The following SMYD2 variants were observed in gnomAD, a reference collection of about 807,000 sequenced individuals.
SMYD2 encodes SET and MYND domain containing 2, also known as N-lysine methyltransferase SMYD2.
SMYD2 carries 53 observed loss-of-function variants against 59.1 expected under a neutral mutation model. The observed-to-expected ratio is 0.90, with a 90% confidence interval of 0.72 to 1.13. SMYD2 has a LOEUF of 1.13. SMYD2 is among the 50% of genes most tolerant of loss of function. The pLI is 0.00. For synonymous variants in SMYD2, 208 were observed against 198.8 expected, an observed-to-expected ratio of 1.05 and a Z score of -0.39; for missense variants, 494 against 544.7, an observed-to-expected ratio of 0.91 and a Z score of 0.93.
Position 214,336,737 on chromosome 1 carries a change from G to T in SMYD2, c.1255G>T (p.Asp419Tyr), listed in dbSNP as rs1366434510. ...AATCATGGAAGTAGCTCACGGCAAA[G>T]ATCATCCATATATTTCTGAGATCAA... is the stretch of plus-strand genomic sequence containing the variant. ...IAIMEVAHGK[D>Y]HPYISEIKQE... The change falls in exon 12 of 12, where the codon GAT (aspartate) becomes TAT (tyrosine). Residue 419 changes from aspartate (D) to tyrosine (Y), a missense_variant. Physicochemically the swap from Asp to Tyr is radical, Grantham distance 160 (BLOSUM62 -3). Coordinates refer to ENST00000366957, the MANE Select transcript of SMYD2 (RefSeq NM_020197.3). 2 of 1,613,804 alleles carry T rather than the reference G, an allele frequency of 1.2e-6. No individual in the cohort carries two copies. Among genetic ancestry groups the T allele is most frequent in the Admixed American group, 1.7e-5 (1 of 59,990 alleles).
At position 214,281,423 on chromosome 1, in the gene SMYD2, AC is replaced by A; in HGVS notation, c.171del (p.Arg58GlyfsTer49). The A allele has an allele frequency of 1.4e-6, 2 of 1,432,392 alleles. No homozygotes were observed. The highest frequency in any genetic ancestry group is 2.8e-5 in the East Asian group (1 of 35,574). The allele number at this position is 1,432,392 out of a possible 1,614,324, so 88.7% of individuals were successfully genotyped here. ...GGGCAACCACTGCGAGTACTGCTTCACCAGGTAGGGCGGCGGCGGCGGCGGC... is the reference window on the plus strand; with the variant it reads ...GGGCAACCACTGCGAGTACTGCTTCACAGGTAGGGCGGCGGCGGCGGCGGC... ...ERGNHCEYCF[T>X]RKEGLSKCGR... On this transcript the variant is annotated frameshift_variant, in exon 1 of 12. Transcript: ENST00000366957. LOFTEE classifies it high-confidence loss of function.
Position 214,330,948 on chromosome 1 carries a change from A to C in SMYD2, c.817-2A>C. On this transcript the variant is annotated splice_acceptor_variant, in intron 8 of 11. Coordinates refer to ENST00000366957, the MANE Select transcript of SMYD2 (RefSeq NM_020197.3). LOFTEE classifies it high-confidence loss of function. ...CCTTGCCCTTGTGGACGTTTCCTTC[A>C]GGATAAGGCCAAGGTGGAAATCCGG... The C allele has an allele frequency of 6.2e-7, 1 of 1,614,112 alleles. No homozygotes were observed. The highest frequency in any genetic ancestry group is 1.7e-5 in the Admixed American group (1 of 60,020).
At chr1:214,289,812 T>G (rs749267453) in intron 1 of SMYD2, among the ~76,000 whole-genome samples, 2 of 152,232 alleles carry the variant, frequency 1.3e-5, no homozygotes. Flanking sequence ...TTCCTCCTGA[T>G]GAGTGGCCTG....
At chr1:214,299,687 A>C (rs1388958404) in intron 1 of SMYD2, among the ~76,000 whole-genome samples, 1 of 151,870 alleles carries the variant, frequency 6.6e-6, no homozygotes, top group African/African-American at 2.4e-5. Flanking sequence ...GCTCACTGCA[A>C]CCTCTGCCTC....
chr1:214,328,887 C>G (rs867445), intron 7 of SMYD2, among the ~76,000 whole-genome samples: 44,185 of 152,084 alleles, frequency 0.29, 6,752 homozygotes, highest in Non-Finnish European at 0.34. Flanking sequence ...ATAATTGCAG[C>G]CAGTCAGAAT....
At chr1:214,281,460 A>G (rs2102448499) in intron 1 of SMYD2, 33 bp downstream of exon 1, 3 of 1,299,324 alleles carry the variant, frequency 2.3e-6, no homozygotes, top group Non-Finnish European at 3.0e-6. Context: ...GGCGGGCGGG[A>G]GCCGGGGGCG....
intron 1 of SMYD2, among the ~76,000 whole-genome samples, chr1:214,285,001 A>C (rs1440740048): frequency 6.6e-6 from 1 of 151,986 alleles, no homozygotes; most frequent in Non-Finnish European, 1.5e-5. Context: ...GATTATTGAC[A>C]TTTCTTTGTT....
At chr1:214,302,840 G>A in intron 1 of SMYD2, among the ~76,000 whole-genome samples, 1 of 152,106 alleles carries the variant, frequency 6.6e-6, no homozygotes, top group East Asian at 1.9e-4. Context: ...AAGAAAACCT[G>A]TATTAATCCT....
In SMYD2 at chr1:214,281,293, C is replaced by T. The variant is rs746346722; in HGVS notation, c.39C>T (p.Cys13=). Residue 13 remains cysteine, a synonymous_variant, in exon 1 of 12, where the codon TGC becomes TGT. Transcript: ENST00000366957. ...GCCTCGGCGGCCTGGAGCGCTTCTG[C>T]AGCCCGGGCAAAGGCCGGGGGCTGC... ...AEGLGGLERF[C]SPGKGRGLRA... is the part of the protein sequence containing the mutation. The T allele has an allele frequency of 7.4e-7, 1 of 1,348,420 alleles. No homozygotes were observed. Among genetic ancestry groups the T allele is most frequent in the South Asian group, 2.1e-5 (1 of 47,616 alleles). 83.5% of individuals were successfully genotyped at this position (1,348,420 alleles called of 1,614,324 possible).
At chr1:214,327,207 AC>A (rs1296025345) in intron 6 of SMYD2, among the ~76,000 whole-genome samples, 5 of 152,244 alleles carry the variant, frequency 3.3e-5, no homozygotes, top group Non-Finnish European at 7.3e-5. Context: ...TCTGAAAAAA[AC>A]GTGAGAAATA....
chr1:214,296,631 T>A (rs540733706), intron 1 of SMYD2, among the ~76,000 whole-genome samples: 1 of 152,218 alleles, frequency 6.6e-6, no homozygotes, highest in Non-Finnish European at 1.5e-5. Context: ...ATTAAATGTT[T>A]TGCTTGCATT....
chr1:214,324,466 A>G (rs183396927), intron 5 of SMYD2, among the ~76,000 whole-genome samples, 175 bp from the exon 6 acceptor site: 125 of 152,308 alleles, frequency 8.2e-4, no homozygotes, highest in African/African-American at 2.9e-3. Context: ...TTGTTTATGC[A>G]TGGAACTGAT....
rs376477978 is a variant in SMYD2, at chr1:214,293,262, C to T, written c.173+11835C>T. ...AGAGATGGGGTTTCACCATGTTGGC[C>T]AGGCTGGTCTCGAACTCCCGACCTC... On this transcript the variant is annotated intron_variant, in intron 1 of 11. Coordinates refer to ENST00000366957, the MANE Select transcript of SMYD2 (RefSeq NM_020197.3). Among the ~76,000 whole-genome samples the T allele has an allele frequency of 4.4e-4, 67 of 152,186 alleles. 1 individual carries two copies. The highest frequency in any genetic ancestry group is 4.3e-3 in the East Asian group (22 of 5,174).
rs1657398885 is a variant in SMYD2, at chr1:214,334,108, A to C, written c.1113-92A>C. The C allele has an allele frequency of 2.5e-6, 3 of 1,186,986 alleles. No individual in the cohort carries two copies. In the East Asian group the frequency reaches 7.1e-5, roughly 28 times the overall value. The allele number at this position is 1,186,986 out of a possible 1,614,324, so 73.5% of individuals were successfully genotyped here. On this transcript the variant is annotated intron_variant, in intron 10 of 11. Coordinates refer to ENST00000366957, the MANE Select transcript of SMYD2 (RefSeq NM_020197.3). The stretch of plus-strand genomic sequence containing the variant: ...CCGCTGGTGGGCAGAGGTTGGCCCT[A>C]AGCATGGCAGCCTCCGGCTTACTGC...
At chr1:214,329,800 C>T (rs997170361) in intron 7 of SMYD2, among the ~76,000 whole-genome samples, 42 of 152,188 alleles carry the variant, frequency 2.8e-4, no homozygotes, top group African/African-American at 9.6e-4. Context: ...GCATTTGCGC[C>T]GTCTCAGGTG....
chr1:214,315,541 A>G (rs557476323), intron 3 of SMYD2, among the ~76,000 whole-genome samples: 8 of 152,308 alleles, frequency 5.3e-5, no homozygotes, highest in South Asian at 4.1e-4. Flanking sequence ...GGGCAGGACT[A>G]TGCAAACTTA....
chr1:214,320,583 A>G (rs1291794818), intron 5 of SMYD2, among the ~76,000 whole-genome samples: 19 of 152,224 alleles, frequency 1.2e-4, no homozygotes, highest in Admixed American at 1.1e-3. Flanking sequence ...CTGTGATCAA[A>G]CCACTGCACT....
intron 11 of SMYD2, 30 bp from the exon 12 acceptor site, chr1:214,336,674 G>A: frequency 2.5e-6 from 4 of 1,607,248 alleles, no homozygotes; most frequent in Non-Finnish European, 3.4e-6. Flanking sequence ...TGGCTTCTAG[G>A]CTCTCATTGT....
chr1:214,318,783 C>T lies in SMYD2; in HGVS notation c.410-76C>T. The T allele has an allele frequency of 4.7e-6, 7 of 1,477,650 alleles. No homozygotes were observed. Among genetic ancestry groups the T allele is most frequent in the Middle Eastern group, 1.8e-4 (1 of 5,648 alleles). The allele number at this position is 1,477,650 out of a possible 1,614,324, so 91.5% of individuals were successfully genotyped here. ...TTTCGCCCGTTCCTTTCCTCTGTAT[C>T]ATTTACAGCAAAAATAGGATGTAGC... On this transcript the variant is annotated intron_variant, in intron 4 of 11. Coordinates refer to ENST00000366957, the MANE Select transcript of SMYD2 (RefSeq NM_020197.3). This position sits in a 1 kb window ranked among gnomAD's most constrained non-coding sequence, Gnocchi z 5.4.
Sources: gnomAD v4.1 joint callset for allele counts (sites outside exome capture counted in the v4.1 genomes callset) on GRCh38, gnomAD v4.1.1 for gene constraint, Gnocchi (gnomAD v3.1) non-coding constraint, MANE v1.5 for transcripts, NCBI Gene and HGNC (gene_info 2026-07-23, HGNC 2026-07-21) for gene names.